TRNT1: variants seen among roughly 807,000 people sequenced by gnomAD.
The protein encoded by TRNT1 is tRNA nucleotidyl transferase 1, also known as CCA tRNA nucleotidyltransferase 1, mitochondrial.
Under a neutral mutation model 45.6 loss-of-function variants are expected in TRNT1, and 44 were observed. That is an observed-to-expected ratio of 0.97 (90% CI 0.76 to 1.24). The LOEUF (loss-of-function observed/expected upper bound fraction) is 1.24, where lower values mean the gene tolerates loss of function less well. TRNT1 is among the 50% of genes most tolerant of loss of function. The pLI is 0.00. For missense variants in TRNT1, 633 were observed against 504.4 expected (o/e 1.25, Z -2.44); for synonymous variants, 201 against 171.4 (o/e 1.17, Z -1.35).
chr3:3,129,202 A>T lies in TRNT1; in HGVS notation c.148+14A>T. ...AGAGTCTGACAGGTGAGAGATTAGG[A>T]TACCTTTTCTTGATTGGAAACCTAT... is the stretch of plus-strand genomic sequence containing the variant. On this transcript the variant is annotated intron_variant, in intron 2 of 7. Transcript: ENST00000251607. 1 of 1,612,950 alleles carries T rather than the reference A, an allele frequency of 6.2e-7. No homozygotes were observed. Among genetic ancestry groups the T allele is most frequent in the Non-Finnish European group, 8.5e-7 (1 of 1,179,236 alleles).
Position 3,129,146 on chromosome 3 carries a change from G to T in TRNT1, c.106G>T (p.Glu36Ter). ...YLFTMKLQSP[E>*]FQSLFTEGLK... ...ATTCACAATGAAGTTGCAGTCTCCC[G>T]AATTCCAGTCACTTTTCACAGAAGG... The change falls in exon 2 of 8, where the codon GAA (glutamate) becomes TAA (stop). Residue 36 changes from glutamate to a stop codon, truncating the protein, a stop_gained. Coordinates refer to ENST00000251607, the MANE Select transcript of TRNT1 (RefSeq NM_182916.3). LOFTEE classifies it high-confidence loss of function. 1.2e-6 allele frequency: 2 copies of T among 1,614,154 alleles called. No homozygotes were observed. The highest frequency in any genetic ancestry group is 1.7e-6 in the Non-Finnish European group (2 of 1,180,002).
At chr3:3,130,113 T>A in intron 2 of TRNT1, 1 of 724,246 alleles carries the variant, frequency 1.4e-6, no homozygotes, top group Non-Finnish European at 2.2e-6. Flanking sequence ...AGCCACACAG[T>A]AGCATTACAA....
At chr3:3,146,767 G>T in intron 6 of TRNT1, 144 bp downstream of exon 6, 1 of 802,304 alleles carries the variant, frequency 1.2e-6, no homozygotes, top group African/African-American at 1.8e-5. Context: ...TTTGGGTTAT[G>T]GGGTAAGTTT....
Position 3,129,074 on chromosome 3 carries a change from G to A in TRNT1, c.34G>A (p.Val12Met), listed in dbSNP as rs773209120. The stretch of plus-strand genomic sequence containing the variant: ...GTGCCTGTATCATTGGCACAGGCCA[G>A]TGCTGAACCGTAGGTGGAGTAGGCT... The part of the protein sequence containing the change: ...LRCLYHWHRP[V>M]LNRRWSRLCL... The change falls in exon 2 of 8, where the codon GTG becomes ATG. Residue 12 changes from valine to methionine, a missense_variant. By Grantham distance (21) the Val-to-Met change is conservative. Coordinates refer to ENST00000251607, the MANE Select transcript of TRNT1 (RefSeq NM_182916.3). 2.5e-6 allele frequency: 4 copies of A among 1,613,946 alleles called. No homozygotes were observed. In the South Asian group the frequency reaches 3.3e-5, roughly 13 times the overall value.
At chr3:3,152,149 A>C (rs909618677), downstream of TRNT1, among the ~76,000 whole-genome samples, 1 of 68,530 alleles carries the variant, frequency 1.5e-5, no homozygotes, top group Non-Finnish European at 4.4e-5. Context: ...CATTTAAATA[A>C]ATTTTTTTTT....
At chr3:3,152,323 T>C (rs1706622840), downstream of TRNT1, 1 of 1,008,128 alleles carries the variant, frequency 9.9e-7, no homozygotes, top group African/African-American at 1.7e-5. Context: ...CGGCTAATTT[T>C]TGTAGCAAAT....
rs777580759 is a variant in TRNT1 at position 3,148,118 on chromosome 3, A to C, written c.1269A>C (p.Glu423Asp). The change falls in exon 8 of 8, where the codon GAA becomes GAC. Residue 423 changes from glutamate (E) to aspartate (D), a missense_variant. Transcript: ENST00000251607. ...EQWKKSGYQMEKDELLSYIKK... is the reference protein window; with the variant it reads ...EQWKKSGYQMDKDELLSYIKK... ...GGAAAAAAAGTGGTTACCAAATGGA[A>C]AAAGATGAACTTCTGAGTTACATAA... The C allele has an allele frequency of 6.2e-7, 1 of 1,613,828 alleles. No individual in the cohort carries two copies. Among genetic ancestry groups the C allele is most frequent in the Non-Finnish European group, 8.5e-7 (1 of 1,179,772 alleles).
chr3:3,148,008 C>T lies in TRNT1; in HGVS notation c.1159C>T (p.Pro387Ser). 3 of 1,613,978 alleles carry T rather than the reference C, an allele frequency of 1.9e-6. No individual in the cohort carries two copies. Among genetic ancestry groups the T allele is most frequent in the Non-Finnish European group, 2.5e-6 (3 of 1,179,890 alleles). ...EMQQWSIPPFPVSGHDIRKVG... is the reference protein window; with the variant it reads ...EMQQWSIPPFSVSGHDIRKVG... ...GCAGCAGTGGTCCATTCCTCCATTT[C>T]CTGTAAGTGGCCATGACATCAGAAA... The change falls in exon 8 of 8, where the codon CCT becomes TCT. Residue 387 changes from proline (P) to serine (S), a missense_variant. Coordinates refer to ENST00000251607, the MANE Select transcript of TRNT1 (RefSeq NM_182916.3).
chr3:3,147,503 G>C lies in TRNT1; in HGVS notation c.856G>C (p.Asp286His). ...EEFDKVSKNV[D>H]GFSPKPVTLL... ...ATTTGACAAAGTCAGTAAAAATGTT[G>C]ATGGTTTTTCACCAAAGCCAGTGAC... The change falls in exon 7 of 8, where the codon GAT becomes CAT. Residue 286 changes from aspartate (D) to histidine (H), a missense_variant. Physicochemically the swap from Asp to His is moderately conservative, Grantham distance 81. Coordinates refer to ENST00000251607, the MANE Select transcript of TRNT1 (RefSeq NM_182916.3). 6.2e-7 allele frequency: 1 copy of C among 1,613,822 alleles called. No homozygotes were observed. Among genetic ancestry groups the C allele is most frequent in the East Asian group, 2.2e-5 (1 of 44,846 alleles).
chr3:3,135,516 A>G (rs894931263), intron 2 of TRNT1, among the ~76,000 whole-genome samples: 1 of 152,092 alleles, frequency 6.6e-6, no homozygotes, highest in Admixed American at 6.5e-5. Context: ...GCATTAGGGG[A>G]ATATGAACAC....
At position 3,130,027 on chromosome 3, in the gene TRNT1, G is replaced by GTTCC. The variant is rs1414846260; in HGVS notation, c.148+840_148+841insTCCT. On this transcript the variant is annotated intron_variant, in intron 2 of 7. Coordinates refer to ENST00000251607, the MANE Select transcript of TRNT1 (RefSeq NM_182916.3). ...GAGCATAGGAAATGGCTTTAGCTAA[G>GTTCC]TGCCAGTAGCTTCTTGCTGTTGCCA... 5.0e-6 allele frequency: 3 copies of GTTCC among 598,886 alleles called. No homozygotes were observed. In the African/African-American group the frequency reaches 8.2e-5, roughly 16 times the overall value. 37.1% of individuals were successfully genotyped at this position (598,886 alleles called of 1,614,324 possible). A position where few individuals can be genotyped will look rare whatever the true frequency, so the allele number is the denominator to read the frequency against.
At chr3:3,131,458 A>G (rs1433287629) in intron 2 of TRNT1, 1 of 152,084 alleles carries the variant, frequency 6.6e-6, no homozygotes, top group Admixed American at 6.5e-5. Flanking sequence ...AACGTTCTAA[A>G]CCTGAAACTG....
chr3:3,128,241 G>A (rs1437733206), intron 1 of TRNT1, among the ~76,000 whole-genome samples: 1 of 152,108 alleles, frequency 6.6e-6, no homozygotes, highest in Non-Finnish European at 1.5e-5. Context: ...TGTTCGTGGA[G>A]GCCTGGGGAG....
At chr3:3,144,218 C>T (rs1362971276) in intron 4 of TRNT1, among the ~76,000 whole-genome samples, 1 of 152,126 alleles carries the variant, frequency 6.6e-6, no homozygotes, top group Non-Finnish European at 1.5e-5. Context: ...TTCCTCGTTT[C>T]TTCTGTTAAT....
chr3:3,148,279 A>G lies in TRNT1; in HGVS notation c.*125A>G, dbSNP rs1255771296. On this transcript the variant is annotated 3_prime_UTR_variant, in exon 8 of 8. Coordinates refer to ENST00000251607, the MANE Select transcript of TRNT1 (RefSeq NM_182916.3). ...TTTAGGGGACCTCTGTAGAACAACAAGGGTCTTATTTTGTGAATTATATAT... is the reference window on the plus strand; with the variant it reads ...TTTAGGGGACCTCTGTAGAACAACAGGGGTCTTATTTTGTGAATTATATAT... The G allele has an allele frequency of 5.0e-6, 5 of 993,604 alleles. No individual in the cohort carries two copies. Among genetic ancestry groups the G allele is most frequent in the Non-Finnish European group, 7.4e-6 (5 of 678,682 alleles). The allele number at this position is 993,604 out of a possible 1,614,324, so 61.5% of individuals were successfully genotyped here.
In TRNT1 at chr3:3,148,253, GTT is replaced by G; in HGVS notation, c.*101_*102del. The G allele has an allele frequency of 1.5e-6, 2 of 1,322,330 alleles. No individual in the cohort carries two copies. 81.9% of individuals were successfully genotyped at this position (1,322,330 alleles called of 1,614,324 possible). A position where few individuals can be genotyped will look rare whatever the true frequency, so the allele number is the denominator to read the frequency against. ...AGAGACTACACCAGAATAAAAGACAGTTTAGGGGACCTCTGTAGAACAACAAG... is the reference window on the plus strand; with the variant it reads ...AGAGACTACACCAGAATAAAAGACAGTAGGGGACCTCTGTAGAACAACAAG... On this transcript the variant is annotated 3_prime_UTR_variant, in exon 8 of 8. Coordinates refer to ENST00000251607, the MANE Select transcript of TRNT1 (RefSeq NM_182916.3).
Position 3,148,962 on chromosome 3 carries a change from A to ATATTCTCTAAAGATGATT in TRNT1, c.*822_*823insGATTTATTCTCTAAAGAT, listed in dbSNP as rs1553556566. On this transcript the variant is annotated 3_prime_UTR_variant, in exon 8 of 8. Coordinates refer to ENST00000251607, the MANE Select transcript of TRNT1 (RefSeq NM_182916.3). ...ATTAAAAGGATATGGCTATTATTAT[A>ATATTCTCTAAAGATGATT]TATTCTCTAAAGATTTGAGTCCTAA... is the stretch of plus-strand genomic sequence containing the variant. 2.9e-5 allele frequency: 4 copies of ATATTCTCTAAAGATGATT among 136,542 alleles called. No homozygotes were observed. The highest frequency in any genetic ancestry group is 6.2e-5 in the Non-Finnish European group (4 of 64,380). 8.5% of individuals were successfully genotyped at this position (136,542 alleles called of 1,614,324 possible).
At chr3:3,152,347 G>T (rs1190403822), downstream of TRNT1, 3 of 1,211,602 alleles carry the variant, frequency 2.5e-6, no homozygotes, top group Non-Finnish European at 3.6e-6. Context: ...TCATTTGTCT[G>T]TCTACTTTTT....
chr3:3,150,484 T>C (rs1397200236), downstream of TRNT1: 1 of 213,276 alleles, frequency 4.7e-6, no homozygotes, highest in Non-Finnish European at 9.6e-6. Flanking sequence ...AGGATCAAAT[T>C]ATTAGTTTCA....
Sources: gnomAD v4.1 joint callset for allele counts (sites outside exome capture counted in the v4.1 genomes callset) on GRCh38, gnomAD v4.1.1 for gene constraint, MANE v1.5 for transcripts, NCBI Gene and HGNC (gene_info 2026-07-23, HGNC 2026-07-21) for gene names.